The following GALNT17 variants were observed in gnomAD, a reference collection of about 807,000 sequenced individuals.
GALNT17 encodes the protein UDP-GalNAc:polypeptide N-acetylgalactosaminyltransferase-like 3.
Under a neutral mutation model 63.7 loss-of-function variants are expected in GALNT17, and 29 were observed. The ratio of observed to expected loss-of-function variants is 0.46; its 90% CI spans 0.34 to 0.62. The LOEUF (loss-of-function observed/expected upper bound fraction) is 0.62, where lower values mean the gene tolerates loss of function less well. Ranked by LOEUF, GALNT17 falls within the 20% of genes least tolerant of loss-of-function variation. The probability of loss-of-function intolerance (pLI) is 0.01; values close to 1 mark genes in which losing one functional copy is unlikely to be tolerated. For synonymous variants in GALNT17, 305 were observed against 318.3 expected (o/e 0.96, Z 0.45); for missense variants, 603 against 799.6 (o/e 0.75, Z 2.97).
At chr7:71,652,730 C>T (rs1584114174) in intron 6 of GALNT17, among the ~76,000 whole-genome samples, 1 of 152,140 alleles carries the variant, frequency 6.6e-6, no homozygotes, top group African/African-American at 2.4e-5. Flanking sequence ...TAAATGGCTT[C>T]CTAAGTGAAT....
Position 71,431,209 on chromosome 7 carries a change from CTTTTTTTTTTT to C in GALNT17, c.962+10114_962+10124del, listed in dbSNP as rs1265130879. Among the ~76,000 whole-genome samples the C allele has an allele frequency of 1.6e-4, 18 of 115,116 alleles. No homozygotes were observed. In the East Asian group the frequency reaches 4.1e-3, roughly 26 times the overall value. 75.5% of individuals were successfully genotyped at this position (115,116 alleles called of 152,430 possible). ...TGAGTATTTTTTTTTCTTTTCTTTT[CTTTTTTTTTTT>C]TTTTTTTTTGAGACAGAGTCTTGCC... On this transcript the variant is annotated intron_variant, in intron 5 of 10. Transcript: ENST00000333538.
At chr7:71,414,655 C>G (rs952754337) in intron 3 of GALNT17, among the ~76,000 whole-genome samples, 1 of 152,164 alleles carries the variant, frequency 6.6e-6, no homozygotes, top group Non-Finnish European at 1.5e-5. Flanking sequence ...CATCCTGTTC[C>G]TGGGAAGAGC....
chr7:71,293,903 T>A (rs1791028646), intron 1 of GALNT17, among the ~76,000 whole-genome samples: 1 of 152,178 alleles, frequency 6.6e-6, no homozygotes, highest in Non-Finnish European at 1.5e-5. Context: ...CTCACGCCTG[T>A]AATCCCAGCA....
At chr7:71,643,741 A>C (rs1424819374) in intron 6 of GALNT17, among the ~76,000 whole-genome samples, 1 of 152,230 alleles carries the variant, frequency 6.6e-6, no homozygotes, top group East Asian at 1.9e-4. Flanking sequence ...AGAATTGTTC[A>C]AACAGACCCC....
At chr7:71,498,563 G>C (rs1259690465) in intron 5 of GALNT17, among the ~76,000 whole-genome samples, 2 of 152,162 alleles carry the variant, frequency 1.3e-5, no homozygotes, top group African/African-American at 4.8e-5. Context: ...TCAGTGAATG[G>C]AATTTGGATT....
At chr7:71,383,626 G>T (rs924329740) in intron 2 of GALNT17, among the ~76,000 whole-genome samples, 1 of 151,934 alleles carries the variant, frequency 6.6e-6, no homozygotes, top group South Asian at 2.1e-4. Flanking sequence ...CAGAGATGGG[G>T]TCTCACTGTG....
At position 71,155,150 on chromosome 7, in the gene GALNT17, G is replaced by A. The variant is rs554223854; in HGVS notation, c.238+22110G>A. On this transcript the variant is annotated intron_variant, in intron 1 of 10. Coordinates refer to ENST00000333538, the MANE Select transcript of GALNT17 (RefSeq NM_022479.3). Reference sequence around the variant, plus strand: ...GCTGTTGTGTAATGGCTCCCTCCCCGTGGACGACGGTTATCTGACATTGCT... The same window carrying A: ...GCTGTTGTGTAATGGCTCCCTCCCCATGGACGACGGTTATCTGACATTGCT... 3.3e-5 allele frequency among the ~76,000 whole-genome samples: 5 copies of A among 151,758 alleles called. 1 individual carries two copies. Among genetic ancestry groups the A allele is most frequent in the African/African-American group, 9.7e-5 (4 of 41,082 alleles).
chr7:71,365,299 G>C (rs1037254139), intron 2 of GALNT17, among the ~76,000 whole-genome samples: 5 of 152,212 alleles, frequency 3.3e-5, no homozygotes, highest in Non-Finnish European at 7.3e-5. Flanking sequence ...GAGTGCAGTG[G>C]TGCGATCTCA....
chr7:71,270,079 A>C (rs1388136657), intron 1 of GALNT17, among the ~76,000 whole-genome samples: 2 of 152,136 alleles, frequency 1.3e-5, no homozygotes, highest in Admixed American at 1.3e-4. Flanking sequence ...AATGTGCTTT[A>C]AACTCATTTA....
Position 71,205,153 on chromosome 7 carries a change from T to C in GALNT17, c.238+72113T>C, listed in dbSNP as rs1789247848. 1.2e-4 allele frequency among the ~76,000 whole-genome samples: 7 copies of C among 59,450 alleles called. 1 individual carries two copies. The highest frequency in any genetic ancestry group is 9.3e-4 in the Admixed American group (7 of 7,522). The allele number at this position is 59,450 out of a possible 152,430, so 39.0% of individuals were successfully genotyped here. On this transcript the variant is annotated intron_variant, in intron 1 of 10. Transcript: ENST00000333538. The stretch of plus-strand genomic sequence containing the variant: ...TTATTTTTTATTTTTTACTTTTTAC[T>C]TTTTTTTTTTTTTTTTTTTGAGACA...
At chr7:71,504,928 A>T (rs1230612826) in intron 5 of GALNT17, among the ~76,000 whole-genome samples, 1 of 152,008 alleles carries the variant, frequency 6.6e-6, no homozygotes, top group Non-Finnish European at 1.5e-5. Context: ...TCTCTGCTGT[A>T]GCCTTTGAAC....
At chr7:71,513,885 T>C (rs1197976439) in intron 5 of GALNT17, among the ~76,000 whole-genome samples, 1 of 152,008 alleles carries the variant, frequency 6.6e-6, no homozygotes, top group Non-Finnish European at 1.5e-5. Flanking sequence ...AACAGATGAG[T>C]CAATTACAGG....
chr7:71,645,008 A>G (rs1389678954), intron 6 of GALNT17, among the ~76,000 whole-genome samples: 1 of 152,192 alleles, frequency 6.6e-6, no homozygotes, highest in African/African-American at 2.4e-5. Flanking sequence ...TGCAGTGGGA[A>G]AAAAGAGGAT....
chr7:71,513,633 A>G lies in GALNT17; in HGVS notation c.963-57652A>G, dbSNP rs551726460. 3.3e-5 allele frequency among the ~76,000 whole-genome samples: 5 copies of G among 151,598 alleles called. No individual in the cohort carries two copies. In the East Asian group the frequency reaches 9.7e-4, roughly 29 times the overall value. On this transcript the variant is annotated intron_variant, in intron 5 of 10. Coordinates refer to ENST00000333538, the MANE Select transcript of GALNT17 (RefSeq NM_022479.3). ...ACTCCTGGCCTCAAGTGATTCGCCC[A>G]CTTCGGCCTCCCAAAGTGCTGAGTC...
At chr7:71,221,610 G>A (rs533478180) in intron 1 of GALNT17, among the ~76,000 whole-genome samples, 2 of 152,128 alleles carry the variant, frequency 1.3e-5, no homozygotes, top group African/African-American at 4.8e-5. Context: ...TCCCTGCTAT[G>A]GACTGACCAT....
intron 1 of GALNT17, among the ~76,000 whole-genome samples, chr7:71,248,186 C>T (rs1790134106): frequency 1.3e-5 from 2 of 151,480 alleles, no homozygotes; most frequent in Non-Finnish European, 2.9e-5. Context: ...GCAGAAAAGA[C>T]AGAGAGAGAG....
At chr7:71,133,308 G>A (rs766495749) in intron 1 of GALNT17, among the ~76,000 whole-genome samples, 10 of 152,206 alleles carry the variant, frequency 6.6e-5, no homozygotes, top group Non-Finnish European at 8.8e-5. Flanking sequence ...GTCCCCGCGT[G>A]CGGACTGGAA....
In GALNT17 at chr7:71,207,143, A is replaced by G. The variant is rs370795670; in HGVS notation, c.238+74103A>G. ...AAAAGACCGATCAGTAGCAGAATCA[A>G]CCAGCCTCACTTTTTGCTTTTTCTT... On this transcript the variant is annotated intron_variant, in intron 1 of 10. Transcript: ENST00000333538. 6.6e-5 allele frequency among the ~76,000 whole-genome samples: 10 copies of G among 152,168 alleles called. No homozygotes were observed. The East Asian group carries it at 9.7e-4, about 15-fold the overall frequency.
rs563155422 is a variant in GALNT17, at chr7:71,338,318, C to A, written c.422+2585C>A. On this transcript the variant is annotated intron_variant, in intron 2 of 10. Coordinates refer to ENST00000333538, the MANE Select transcript of GALNT17 (RefSeq NM_022479.3). ...CTCCTGCCTGGGCGAAAGAGCGAGA[C>A]TCCGTCTCAAAAAAAAAATAAATAA... Among the ~76,000 whole-genome samples the A allele has an allele frequency of 2.0e-3, 297 of 150,932 alleles. 1 individual carries two copies. Among genetic ancestry groups the A allele is most frequent in the Non-Finnish European group, 2.9e-3 (198 of 67,792 alleles).
Sources: gnomAD v4.1 joint callset for allele counts (sites outside exome capture counted in the v4.1 genomes callset) on GRCh38, gnomAD v4.1.1 for gene constraint, MANE v1.5 for transcripts, NCBI Gene and HGNC (gene_info 2026-07-23, HGNC 2026-07-21) for gene names.